PCDHA2: variants seen among roughly 807,000 people sequenced by gnomAD.
PCDHA2 encodes the protein protocadherin alpha 2.
PCDHA2 carries 58 observed loss-of-function variants against 66.0 expected under a neutral mutation model. That is an observed-to-expected ratio of 0.88 (90% CI 0.71 to 1.09). PCDHA2 has a LOEUF of 1.09. PCDHA2 is among the 50% of genes least tolerant of loss of function. PCDHA2 has a pLI of 0.00. For synonymous variants in PCDHA2, 634 were observed against 554.0 expected (o/e 1.14, Z -2.03); for missense variants, 1,267 against 1,242.3 (o/e 1.02, Z -0.30).
intron 1 of PCDHA2, among the ~76,000 whole-genome samples, chr5:140,891,954 G>C (rs782159289): frequency 4.6e-5 from 7 of 152,318 alleles, no homozygotes; most frequent in Admixed American, 6.5e-5. Flanking sequence ...CTCCAGAATT[G>C]TGAGAAGTAA....
At position 140,925,289 on chromosome 5, in the gene PCDHA2, G is replaced by T. The variant is rs190990360; in HGVS notation, c.2389-53660G>T. Among the ~76,000 whole-genome samples, 1,224 of 152,222 alleles carry T rather than the reference G, an allele frequency of 8.0e-3. 6 individuals carry two copies. The highest frequency in any genetic ancestry group is 0.019 in the African/African-American group (790 of 41,540). On this transcript the variant is annotated intron_variant, in intron 1 of 3. Coordinates refer to ENST00000526136, the MANE Select transcript of PCDHA2 (RefSeq NM_018905.3). The stretch of plus-strand genomic sequence containing the variant: ...TGTGTTCAGATTTTGCCTTTCAAAT[G>T]TTTCATTATTGGGGCTTTGGACATA...
chr5:140,892,413 T>C (rs1554185182), intron 1 of PCDHA2, among the ~76,000 whole-genome samples: 1 of 152,222 alleles, frequency 6.6e-6, no homozygotes, highest in Non-Finnish European at 1.5e-5. Context: ...CTTCAGGTAT[T>C]CTAGATAAAA....
chr5:141,001,269 C>A (rs536985121), intron 3 of PCDHA2, among the ~76,000 whole-genome samples: 2 of 152,152 alleles, frequency 1.3e-5, no homozygotes, highest in East Asian at 3.9e-4. Context: ...CTCTTATGAA[C>A]TTTTTTTACG....
At chr5:140,838,754 T>A in intron 1 of PCDHA2, among the ~76,000 whole-genome samples, 1 of 151,892 alleles carries the variant, frequency 6.6e-6, no homozygotes, top group East Asian at 1.9e-4. Flanking sequence ...TGTGCATCTT[T>A]TGTAGAGACT....
chr5:140,926,805 G>T (rs1383202456), intron 1 of PCDHA2: 3 of 1,452,468 alleles, frequency 2.1e-6, no homozygotes, highest in East Asian at 5.0e-5. Flanking sequence ...GCTCTTCCCC[G>T]CGGCTCGTGC....
intron 1 of PCDHA2, chr5:140,966,848 C>T (rs573027963): frequency 1.3e-6 from 2 of 1,571,846 alleles, no homozygotes; most frequent in East Asian, 2.3e-5. Flanking sequence ...GCTACTGCCT[C>T]TCCTGCTGCT....
chr5:141,002,598 C>T (rs2098087385), intron 3 of PCDHA2, among the ~76,000 whole-genome samples: 1 of 152,212 alleles, frequency 6.6e-6, no homozygotes, highest in Admixed American at 6.5e-5. Flanking sequence ...GTCCCCTCAT[C>T]TATAAAACAG....
chr5:140,924,915 AT>A (rs1554202358), intron 1 of PCDHA2, among the ~76,000 whole-genome samples: 19 of 127,348 alleles, frequency 1.5e-4, no homozygotes, highest in African/African-American at 5.1e-4. Context: ...ATAAAATAAA[AT>A]AAAATAAAAT....
intron 3 of PCDHA2, among the ~76,000 whole-genome samples, chr5:141,003,916 A>C (rs1176586597): frequency 3.9e-5 from 6 of 152,150 alleles, no homozygotes; most frequent in African/African-American, 1.4e-4. Context: ...TCTTGACTGC[A>C]TCCTCAGTCT....
intron 1 of PCDHA2, chr5:140,860,525 C>T (rs1269714360): frequency 1.3e-5 from 2 of 152,112 alleles, no homozygotes; most frequent in Non-Finnish European, 2.9e-5. Context: ...TCATGGAATT[C>T]TGATTTGTAA....
At chr5:140,821,773 G>A in intron 1 of PCDHA2, 1 of 1,604,534 alleles carries the variant, frequency 6.2e-7, no homozygotes, top group East Asian at 2.2e-5. Context: ...GAACGAGATT[G>A]AGATGGTATA....
chr5:140,868,199 A>G (rs1367327575), intron 1 of PCDHA2: 2 of 152,150 alleles, frequency 1.3e-5, no homozygotes, highest in East Asian at 1.9e-4. Flanking sequence ...TATGGCTTAC[A>G]TTAGAAATAA....
chr5:140,830,816 C>T (rs2150189865), intron 1 of PCDHA2: 1 of 156,806 alleles, frequency 6.4e-6, no homozygotes, highest in South Asian at 2.0e-4. Context: ...ATTTGTTTGC[C>T]TTTGAGCTTT....
In PCDHA2 at chr5:140,803,589, A is replaced by G. The variant is rs782421319; in HGVS notation, c.2388+6237A>G. 4 of 1,614,222 alleles carry G rather than the reference A, an allele frequency of 2.5e-6. No individual in the cohort carries two copies. The Admixed American group carries it at 6.7e-5, about 27-fold the overall frequency. Reference sequence around the variant, plus strand: ...GGATGTGGACGTTGATCTCTCAGCCAAAGTGAGTAATTTTTATTTATTCTT... The same window carrying G: ...GGATGTGGACGTTGATCTCTCAGCCGAAGTGAGTAATTTTTATTTATTCTT... On this transcript the variant is annotated intron_variant, in intron 1 of 3. Coordinates refer to ENST00000526136, the MANE Select transcript of PCDHA2 (RefSeq NM_018905.3).
At chr5:141,001,025 TA>T (rs1300694860) in intron 3 of PCDHA2, among the ~76,000 whole-genome samples, 1 of 152,246 alleles carries the variant, frequency 6.6e-6, no homozygotes, top group African/African-American at 2.4e-5. Context: ...ACACTTATAA[TA>T]ATAGCTTTAA....
intron 1 of PCDHA2, chr5:140,870,022 T>G (rs1554163715): frequency 6.2e-7 from 1 of 1,613,310 alleles, no homozygotes; most frequent in Admixed American, 1.7e-5. Context: ...CAATGGAACT[T>G]TAGATTATGA....
chr5:140,900,271 G>A (rs1055315411), intron 1 of PCDHA2, among the ~76,000 whole-genome samples: 2 of 151,762 alleles, frequency 1.3e-5, no homozygotes, highest in Non-Finnish European at 2.9e-5. Flanking sequence ...TTGTGTATAT[G>A]TACCACACTT....
chr5:140,888,067 T>G (rs1392142536), intron 1 of PCDHA2, among the ~76,000 whole-genome samples: 1 of 152,224 alleles, frequency 6.6e-6, no homozygotes, highest in Admixed American at 6.5e-5. Context: ...CTTTCTTGTC[T>G]GCTAATTTCA....
At chr5:140,809,024 C>G in intron 1 of PCDHA2, 1 of 1,613,696 alleles carries the variant, frequency 6.2e-7, no homozygotes, top group African/African-American at 1.3e-5. Flanking sequence ...CGAGCTGCAG[C>G]CGGGGACTGG....
Sources: allele counts gnomAD v4.1 joint callset (sites outside exome capture counted in the v4.1 genomes callset), GRCh38; gene constraint gnomAD v4.1.1; transcripts MANE v1.5; gene names NCBI Gene and HGNC (gene_info 2026-07-23, HGNC 2026-07-21).